The following TENM2 variants were observed in gnomAD, a reference collection of about 807,000 sequenced individuals.
TENM2 encodes the protein teneurin-2.
A neutral mutation model predicts 245.2 loss-of-function variants in TENM2; 52 were observed. The ratio of observed to expected loss-of-function variants is 0.21; its 90% CI spans 0.17 to 0.27. The LOEUF (loss-of-function observed/expected upper bound fraction) is 0.27. Among genes scored for constraint, TENM2 ranks in the 10% least tolerant of loss-of-function variants. The probability of loss-of-function intolerance (pLI) is 1.00; values close to 1 mark genes in which losing one functional copy is unlikely to be tolerated. For synonymous variants in TENM2, 1,363 were observed against 1,438.9 expected (o/e 0.95, Z 1.19); for missense variants, 3,046 against 3,666.8 (o/e 0.83, Z 4.37).
chr5:167,034,526 A>T, the TENM2 span, among the ~76,000 whole-genome samples: 1 of 144,242 alleles, frequency 6.9e-6, no homozygotes, highest in Non-Finnish European at 1.5e-5. Flanking sequence ...GCTACTCGGG[A>T]GGCTGAGGCA....
rs373319860 is a variant in TENM2, at chr5:167,922,415, A to G, written c.713-30173A>G. 2.8e-3 allele frequency among the ~76,000 whole-genome samples: 431 copies of G among 152,040 alleles called. 3 individuals are homozygous for G. The highest frequency in any genetic ancestry group is 9.9e-3 in the African/African-American group (411 of 41,410). ...CTATCATGAATCACCATATCTCCCT[A>G]GAACCCAATTCAACCATGTTCCTTT... On this transcript the variant is annotated intron_variant, in intron 3 of 28. Coordinates refer to ENST00000518659, the Ensembl canonical transcript of TENM2.
intron 1 of TENM2, among the ~76,000 whole-genome samples, chr5:167,291,588 T>C (rs1485954397): frequency 6.6e-6 from 1 of 152,232 alleles, no homozygotes; most frequent in Non-Finnish European, 1.5e-5. Context: ...CAGGTAGATA[T>C]TCAGGCTGGC....
At chr5:168,182,511 C>G (rs1760002799) in intron 13 of TENM2, among the ~76,000 whole-genome samples, 1 of 152,130 alleles carries the variant, frequency 6.6e-6, no homozygotes, top group African/African-American at 2.4e-5. Context: ...GTCACGTGCC[C>G]AAGATGACAC....
At chr5:167,760,213 C>T (rs1762573182) in intron 2 of TENM2, among the ~76,000 whole-genome samples, 1 of 152,196 alleles carries the variant, frequency 6.6e-6, no homozygotes, top group Admixed American at 6.5e-5. Flanking sequence ...TAAATTGTGG[C>T]TTCTCTTACC....
chr5:167,524,415 C>G (rs1253678185), intron 2 of TENM2, among the ~76,000 whole-genome samples: 2 of 151,958 alleles, frequency 1.3e-5, no homozygotes, highest in African/African-American at 4.8e-5. Context: ...TTAGCTATGC[C>G]AATTATTTTC....
At chr5:168,006,532 T>C (rs1784832909) in intron 5 of TENM2, among the ~76,000 whole-genome samples, 1 of 152,208 alleles carries the variant, frequency 6.6e-6, no homozygotes, top group South Asian at 2.1e-4. Flanking sequence ...TGATTTAAAA[T>C]ATAATTCCAA....
chr5:167,485,602 C>T (rs576494610), intron 2 of TENM2, among the ~76,000 whole-genome samples: 43 of 152,134 alleles, frequency 2.8e-4, no homozygotes, highest in African/African-American at 8.7e-4. Flanking sequence ...TATATACCTT[C>T]GCTACTGAGA....
At chr5:167,036,728 C>A in the TENM2 span, among the ~76,000 whole-genome samples, 1,358 of 152,252 alleles carry the variant, frequency 8.9e-3, 6 homozygotes, top group Non-Finnish European at 0.014. Context: ...TCCTGTGGCA[C>A]TGAATCTGGG....
At chr5:168,214,350 C>T (rs951306304) in intron 20 of TENM2, among the ~76,000 whole-genome samples, 2 of 152,170 alleles carry the variant, frequency 1.3e-5, no homozygotes, top group African/African-American at 2.4e-5. Context: ...CCTGGCAGAC[C>T]GTGGCTCACG....
chr5:167,602,194 G>A (rs1041576097), intron 2 of TENM2, among the ~76,000 whole-genome samples: 6 of 151,978 alleles, frequency 3.9e-5, no homozygotes, highest in Admixed American at 3.3e-4. Context: ...ATAATAGAGC[G>A]TTTTCAGACC....
At chr5:167,934,544 G>A (rs959176805) in intron 3 of TENM2, among the ~76,000 whole-genome samples, 2 of 152,128 alleles carry the variant, frequency 1.3e-5, no homozygotes, top group Admixed American at 6.5e-5. Flanking sequence ...AACAAGTACC[G>A]ATGTCAAGCC....
intron 1 of TENM2, among the ~76,000 whole-genome samples, chr5:167,320,772 C>T (rs1249812704): frequency 6.6e-6 from 1 of 152,170 alleles, no homozygotes; most frequent in Non-Finnish European, 1.5e-5. Context: ...GCCTCCAGAA[C>T]TGTGAGCCAA....
At chr5:167,445,444 T>A (rs969289766) in intron 2 of TENM2, among the ~76,000 whole-genome samples, 1 of 151,254 alleles carries the variant, frequency 6.6e-6, no homozygotes, top group Non-Finnish European at 1.5e-5. Flanking sequence ...TTGATGTGCA[T>A]GCAGCCCAGG....
chr5:167,737,074 T>C (rs1760851680), intron 2 of TENM2, among the ~76,000 whole-genome samples: 1 of 152,192 alleles, frequency 6.6e-6, no homozygotes, highest in African/African-American at 2.4e-5. Context: ...TCTTTCTGCC[T>C]TCCAGAAAGA....
intron 2 of TENM2, among the ~76,000 whole-genome samples, chr5:167,736,094 G>C (rs1314592827): frequency 6.6e-6 from 1 of 152,166 alleles, no homozygotes; most frequent in East Asian, 1.9e-4. Context: ...GGCTGAGGAG[G>C]CCTCAGGAAA....
the TENM2 span, among the ~76,000 whole-genome samples, chr5:167,034,842 A>G: frequency 6.6e-6 from 1 of 151,992 alleles, no homozygotes; most frequent in African/African-American, 2.4e-5. Flanking sequence ...AGCTACAGTG[A>G]GGATTAGTAC....
chr5:167,104,824 T>C, the TENM2 span, among the ~76,000 whole-genome samples: 1 of 152,164 alleles, frequency 6.6e-6, no homozygotes, highest in African/African-American at 2.4e-5. Context: ...TTAAAAAATA[T>C]ATGGAATCTG....
At chr5:167,878,265 T>C (rs1204030071) in intron 3 of TENM2, among the ~76,000 whole-genome samples, 2 of 152,194 alleles carry the variant, frequency 1.3e-5, no homozygotes. Flanking sequence ...GTCAAACTTG[T>C]CCATTTTTCG....
At chr5:167,074,164 G>A in the TENM2 span, among the ~76,000 whole-genome samples, 2 of 152,280 alleles carry the variant, frequency 1.3e-5, no homozygotes, top group East Asian at 3.9e-4. Flanking sequence ...ATCAGCTACA[G>A]CATATTTTTA....
Sources: allele counts gnomAD v4.1 joint callset (sites outside exome capture counted in the v4.1 genomes callset), GRCh38; gene constraint gnomAD v4.1.1; transcripts MANE v1.5; gene names NCBI Gene and HGNC (gene_info 2026-07-23, HGNC 2026-07-21).